VAMP7: variants seen among roughly 807,000 people sequenced by gnomAD.
The protein encoded by VAMP7 is vesicle-associated membrane protein 7.
Under a neutral mutation model 29.6 loss-of-function variants are expected in VAMP7, and 14 were observed. The observed-to-expected ratio is 0.47, with a 90% CI of 0.31 to 0.74. The LOEUF (loss-of-function observed/expected upper bound fraction) is 0.74. VAMP7 is among the 30% of genes least tolerant of loss of function. VAMP7 has a pLI of 0.05. For synonymous variants in VAMP7, 95 were observed against 88.1 expected, an observed-to-expected ratio of 1.08 and a Z score of -0.44; for missense variants, 223 against 262.4, an observed-to-expected ratio of 0.85 and a Z score of 1.04.
At chrX:155,902,867 G>T (rs1437359941) in intron 5 of VAMP7, among the ~76,000 whole-genome samples, 2 of 151,230 alleles carry the variant, frequency 1.3e-5, no homozygotes, top group Non-Finnish European at 2.9e-5. Context: ...TTGGTATCAG[G>T]ATGATGCTGG....
At position 155,895,605 on chromosome X, in the gene VAMP7, A is replaced by G. The variant is rs1372511269; in HGVS notation, c.147-18A>G. 6.3e-7 allele frequency: 1 copy of G among 1,590,264 alleles called. No individual in the cohort carries two copies. Among genetic ancestry groups the G allele is most frequent in the Non-Finnish European group, 8.6e-7 (1 of 1,158,730 alleles). ...GTTGCTTATAACCACAGTAAGTTTTATATCTTTTATTCTACAGTTATTTGT... is the reference window on the plus strand; with the variant it reads ...GTTGCTTATAACCACAGTAAGTTTTGTATCTTTTATTCTACAGTTATTTGT... On this transcript the variant is annotated intron_variant, in intron 2 of 7. Coordinates refer to ENST00000286448, the MANE Select transcript of VAMP7 (RefSeq NM_005638.6).
At chrX:155,910,724 T>C (rs2066226218) in intron 5 of VAMP7, among the ~76,000 whole-genome samples, 1 of 152,166 alleles carries the variant, frequency 6.6e-6, no homozygotes, top group Non-Finnish European at 1.5e-5. Context: ...TTCATATACC[T>C]TTTGGCCATT....
rs750094317 is a variant in VAMP7 at position 155,918,148 on chromosome X, G to A, written c.434-1665G>A. 1.1e-3 allele frequency among the ~76,000 whole-genome samples: 171 copies of A among 152,154 alleles called. 1 individual carries two copies. Among genetic ancestry groups the A allele is most frequent in the African/African-American group, 3.9e-3 (164 of 41,520 alleles). On this transcript the variant is annotated intron_variant, in intron 5 of 7. Coordinates refer to ENST00000286448, the MANE Select transcript of VAMP7 (RefSeq NM_005638.6). ...TACTCAAGCCTCAGTAATGGCAGAC[G>A]CCCCTCCCTCCACCAAGCTCGAGTG... is the stretch of plus-strand genomic sequence containing the variant.
At position 155,898,324 on chromosome X, in the gene VAMP7, G is replaced by T. The variant is rs762826381; in HGVS notation, c.342+75G>T. ...CCTTCAAACACTATGAATCTAGGGG[G>T]CCCTGACCTGCAATATAGTTTTCTG... On this transcript the variant is annotated intron_variant, in intron 4 of 7. Coordinates refer to ENST00000286448, the MANE Select transcript of VAMP7 (RefSeq NM_005638.6). The T allele has an allele frequency of 7.8e-5, 119 of 1,526,498 alleles. No homozygotes were observed. In the South Asian group the frequency reaches 1.3e-3, roughly 17 times the overall value. 94.6% of individuals were successfully genotyped at this position (1,526,498 alleles called of 1,614,324 possible). A position where few individuals can be genotyped will look rare whatever the true frequency, so the allele number is the denominator to read the frequency against.
chrX:155,894,071 A>G (rs766800150), intron 2 of VAMP7, among the ~76,000 whole-genome samples: 16 of 152,284 alleles, frequency 1.1e-4, no homozygotes, highest in African/African-American at 3.4e-4. Flanking sequence ...ACCCCTATCT[A>G]TCCACTTGCC....
At chrX:155,888,121 G>T (rs2065887116) in intron 1 of VAMP7, among the ~76,000 whole-genome samples, 1 of 152,120 alleles carries the variant, frequency 6.6e-6, no homozygotes. Flanking sequence ...CAGTTAGAGA[G>T]TAGGAATGAA....
At chrX:155,900,406 T>A (rs891996676) in intron 4 of VAMP7, 91 bp from the exon 5 acceptor site, 4 of 948,142 alleles carry the variant, frequency 4.2e-6, no homozygotes, top group African/African-American at 3.3e-5. Flanking sequence ...TTTTATAGCA[T>A]TCCTCAGTGT....
rs777015986 is a variant in VAMP7, at chrX:155,939,737, C to G, written c.538C>G (p.Arg180Gly). 3.1e-6 allele frequency: 5 copies of G among 1,613,772 alleles called. No individual in the cohort carries two copies. In the African/African-American group the frequency reaches 5.3e-5, roughly 17 times the overall value. Residue 180 changes from arginine to glycine, a missense_variant, in exon 7 of 8, where the codon CGA becomes GGA. Arg to Gly is a moderately radical substitution (Grantham distance 125). Coordinates refer to ENST00000286448, the MANE Select transcript of VAMP7 (RefSeq NM_005638.6). ...TFKTTSRNLA[R>G]AMCMKNLKLT... Reference sequence around the variant, plus strand: ...CAAAACTACCAGCAGAAATCTTGCTCGAGCCATGTGTATGAAGAACCTCAA... The same window carrying G: ...CAAAACTACCAGCAGAAATCTTGCTGGAGCCATGTGTATGAAGAACCTCAA...
chrX:155,936,153 C>T (rs1350865757), intron 6 of VAMP7, among the ~76,000 whole-genome samples: 2 of 152,132 alleles, frequency 1.3e-5, no homozygotes, highest in African/African-American at 4.8e-5. Flanking sequence ...GTCAGGGACC[C>T]ACTTGAGGAG....
At chrX:155,891,531 A>G (rs2065925499) in intron 2 of VAMP7, among the ~76,000 whole-genome samples, 1 of 152,194 alleles carries the variant, frequency 6.6e-6, no homozygotes. Context: ...ACAATGGTGA[A>G]ATAAGAAAAG....
At chrX:155,930,663 A>T (rs781017621) in intron 6 of VAMP7, among the ~76,000 whole-genome samples, 109 of 149,642 alleles carry the variant, frequency 7.3e-4, no homozygotes, top group Admixed American at 2.7e-3. Flanking sequence ...AAAAAAAAAA[A>T]ATTTTTTTTC....
At chrX:155,904,370 TAAAA>T (rs1158687831) in intron 5 of VAMP7, among the ~76,000 whole-genome samples, 1 of 69,450 alleles carries the variant, frequency 1.4e-5, no homozygotes, top group African/African-American at 7.8e-5. Context: ...TAAAATAAAA[TAAAA>T]AAAGCAAATT....
At chrX:155,932,913 G>A (rs1430099854) in intron 6 of VAMP7, among the ~76,000 whole-genome samples, 1 of 152,104 alleles carries the variant, frequency 6.6e-6, no homozygotes, top group African/African-American at 2.4e-5. Flanking sequence ...TTAGCATGAA[G>A]GGCTGTTGAA....
intron 5 of VAMP7, among the ~76,000 whole-genome samples, chrX:155,905,081 G>A (rs1325623384): frequency 1.3e-5 from 2 of 151,534 alleles, no homozygotes; most frequent in East Asian, 1.9e-4. Context: ...CCACATCCTT[G>A]CCAAAACTTA....
intron 1 of VAMP7, among the ~76,000 whole-genome samples, chrX:155,885,078 C>T (rs1187226391): frequency 4.6e-5 from 7 of 152,112 alleles, no homozygotes; most frequent in African/African-American, 1.7e-4. Flanking sequence ...TTAGTGGACT[C>T]GAAGACCTTC....
intron 6 of VAMP7, among the ~76,000 whole-genome samples, chrX:155,926,536 G>T (rs924835422): frequency 1.3e-5 from 2 of 152,134 alleles, no homozygotes; most frequent in Admixed American, 6.6e-5. Flanking sequence ...TTAGGCTTTG[G>T]CCTAAGGAAA....
At chrX:155,910,243 A>G (rs2066217312) in intron 5 of VAMP7, among the ~76,000 whole-genome samples, 1 of 152,190 alleles carries the variant, frequency 6.6e-6, no homozygotes, top group African/African-American at 2.4e-5. Flanking sequence ...CACTTAACAT[A>G]ATAACCTCCA....
intron 6 of VAMP7, among the ~76,000 whole-genome samples, chrX:155,928,810 C>T (rs978690999): frequency 6.6e-6 from 1 of 152,152 alleles, no homozygotes; most frequent in African/African-American, 2.4e-5. Context: ...TGTCAGTGTT[C>T]AGATGTTGAC....
At chrX:155,934,510 C>A (rs1269807003) in intron 6 of VAMP7, among the ~76,000 whole-genome samples, 6 of 152,128 alleles carry the variant, frequency 3.9e-5, no homozygotes, top group Non-Finnish European at 7.4e-5. Context: ...TTATCAGAGA[C>A]TAGGATTGCA....
Sources: allele counts gnomAD v4.1 joint callset (sites outside exome capture counted in the v4.1 genomes callset), GRCh38; gene constraint gnomAD v4.1.1; transcripts MANE v1.5; gene names NCBI Gene and HGNC (gene_info 2026-07-23, HGNC 2026-07-21).